TCAF1: variants seen among roughly 807,000 people sequenced by gnomAD.
TCAF1 encodes TRPM8 channel-associated factor 1.
A neutral mutation model predicts 27.3 loss-of-function variants in TCAF1; 4 were observed. The ratio of observed to expected loss-of-function variants is 0.15; its 90% confidence interval spans 0.07 to 0.34. The LOEUF (loss-of-function observed/expected upper bound fraction) is 0.34. Ranked by LOEUF, TCAF1 falls within the 10% of genes least tolerant of loss-of-function variation. TCAF1 has a pLI of 1.00. For missense variants in TCAF1, 257 were observed against 425.8 expected (o/e 0.60, Z 3.49); for synonymous variants, 105 against 167.1 (o/e 0.63, Z 2.87).
At chr7:143,893,166 T>TAGA (rs1562972308) in intron 1 of TCAF1, among the ~76,000 whole-genome samples, 2 of 152,136 alleles carry the variant, frequency 1.3e-5, no homozygotes, top group Non-Finnish European at 2.9e-5. Context: ...TCAGCAAGTG[T>TAGA]TACTGTAGAT....
intron 1 of TCAF1, among the ~76,000 whole-genome samples, chr7:143,885,788 A>G (rs928761431): frequency 1.3e-5 from 2 of 152,158 alleles, no homozygotes; most frequent in Non-Finnish European, 2.9e-5. Flanking sequence ...ACTTATATAA[A>G]CACAGAAATT....
At chr7:143,885,429 C>T (rs1020658934) in intron 1 of TCAF1, 3 of 985,292 alleles carry the variant, frequency 3.0e-6, no homozygotes, top group East Asian at 1.1e-4. Context: ...GGAGCTTGGC[C>T]GCCGCCCCCG....
At chr7:143,885,628 T>G (rs1056047181) in intron 1 of TCAF1, 2 of 898,440 alleles carry the variant, frequency 2.2e-6, no homozygotes, top group African/African-American at 3.6e-5. Flanking sequence ...AATATACAAC[T>G]ATTTCCAAGG....
rs1554393188 is a variant in TCAF1 at position 143,883,506 on chromosome 7, T to TTC, written c.-14-6885_-14-6884insGA. On this transcript the variant is annotated intron_variant, in intron 1 of 8. Transcript: ENST00000479870. ...ATTTCTTTCTTTCCTTTTTCTTTTT[T>TTC]TTTTTTTTTTTTTTTTTGAGACGGA... Among the ~76,000 whole-genome samples, 957 of 103,206 alleles carry TTC rather than the reference T, an allele frequency of 9.3e-3. 12 individuals are homozygous for TTC. Among genetic ancestry groups the TTC allele is most frequent in the African/African-American group, 0.034 (918 of 26,924 alleles). The allele number at this position is 103,206 out of a possible 152,430, so 67.7% of individuals were successfully genotyped here. A position where few individuals can be genotyped will look rare whatever the true frequency, so the allele number is the denominator to read the frequency against.
intron 1 of TCAF1, among the ~76,000 whole-genome samples, chr7:143,886,339 A>G (rs568244438): frequency 1.3e-5 from 2 of 152,216 alleles, no homozygotes; most frequent in South Asian, 2.1e-4. Flanking sequence ...CCCTTACTAC[A>G]AAAGTGTAGT....
At position 143,870,646 on chromosome 7, in the gene TCAF1, T is replaced by C. The variant is rs539497029; in HGVS notation, c.620+5343A>G. ...GCAGATGGTCTATCTTCACGGTCTA[T>C]CTTCATGACTATCTCATGTGCACAT... On this transcript the variant is annotated intron_variant, in intron 2 of 8. Coordinates refer to ENST00000479870, the MANE Select transcript of TCAF1 (RefSeq NM_014719.3). 2.6e-5 allele frequency among the ~76,000 whole-genome samples: 4 copies of C among 152,186 alleles called. No homozygotes were observed. The South Asian group carries it at 8.3e-4, about 32-fold the overall frequency.
intron 1 of TCAF1, among the ~76,000 whole-genome samples, chr7:143,889,920 C>G (rs1224213996): frequency 6.6e-6 from 1 of 152,170 alleles, no homozygotes. Context: ...ATTAGGCATC[C>G]ACCTTAGAGT....
intron 1 of TCAF1, among the ~76,000 whole-genome samples, chr7:143,878,280 C>T (rs1812830224): frequency 6.6e-6 from 1 of 152,146 alleles, no homozygotes; most frequent in Admixed American, 6.5e-5. Context: ...TTTAACCTAA[C>T]ATAGATTTTA....
At chr7:143,900,267 C>T (rs1814056435) in intron 1 of TCAF1, among the ~76,000 whole-genome samples, 1 of 152,070 alleles carries the variant, frequency 6.6e-6, no homozygotes, top group African/African-American at 2.4e-5. Flanking sequence ...TGAGTTGGGC[C>T]TAGGGACTCA....
intron 6 of TCAF1, 40 bp from the exon 7 acceptor site, chr7:143,859,201 TC>T: frequency 6.3e-7 from 1 of 1,579,380 alleles, no homozygotes; most frequent in South Asian, 1.1e-5. Flanking sequence ...GTTAGGGTCC[TC>T]CCCATTTAAG....
At chr7:143,879,611 C>T (rs1054940603) in intron 1 of TCAF1, among the ~76,000 whole-genome samples, 11 of 152,234 alleles carry the variant, frequency 7.2e-5, no homozygotes, top group African/African-American at 2.2e-4. Flanking sequence ...CAAAGATATA[C>T]GTACAGGATG....
intron 2 of TCAF1, 26 bp downstream of exon 2, chr7:143,875,963 A>T (rs568646925): frequency 2.6e-6 from 4 of 1,515,488 alleles, no homozygotes; most frequent in African/African-American, 1.4e-5. Flanking sequence ...CCTGGAGCCA[A>T]CTCCCCAGTG....
In TCAF1 at chr7:143,883,486, TTTC is replaced by T. The variant is rs1344760473; in HGVS notation, c.-14-6867_-14-6865del. Among the ~76,000 whole-genome samples, 9 of 149,742 alleles carry T rather than the reference TTTC, an allele frequency of 6.0e-5. 1 individual carries two copies. In the Admixed American group the frequency reaches 6.0e-4, roughly 10 times the overall value. On this transcript the variant is annotated intron_variant, in intron 1 of 8. Transcript: ENST00000479870. ...CGGTGTACAGTTCAAATCGCATTTC[TTTC>T]TTTCCTTTTTCTTTTTTTTTTTTTT...
rs145552050 is a variant in TCAF1 at position 143,876,540 on chromosome 7, A to G, written c.69T>C (p.Asp23=). Residue 23 remains aspartate, a synonymous_variant, in exon 2 of 9, where the codon GAT becomes GAC. Coordinates refer to ENST00000479870, the MANE Select transcript of TCAF1 (RefSeq NM_014719.3). ...TAAGAAGCAGTTCACATGGAACAGC[A>G]TCTTCGGGTACATCCCAGCTTGTCA... The part of the protein sequence containing the change: ...NGVTSWDVPE[D]AVPCELLLIG... 1.9e-6 allele frequency: 3 copies of G among 1,547,824 alleles called. No homozygotes were observed. Among genetic ancestry groups the G allele is most frequent in the African/African-American group, 1.4e-5 (1 of 72,568 alleles).
chr7:143,882,570 C>T, intron 1 of TCAF1: 1 of 985,354 alleles, frequency 1.0e-6, no homozygotes, highest in Non-Finnish European at 1.2e-6. Context: ...ATTCTCTGTC[C>T]CCGATGATTT....
At chr7:143,888,228 A>G (rs1813505370) in intron 1 of TCAF1, among the ~76,000 whole-genome samples, 1 of 152,236 alleles carries the variant, frequency 6.6e-6, no homozygotes, top group Admixed American at 6.5e-5. Context: ...ATGATAGGAA[A>G]GTAGAGAGTA....
At chr7:143,878,028 G>A (rs1812812703) in intron 1 of TCAF1, among the ~76,000 whole-genome samples, 2 of 152,278 alleles carry the variant, frequency 1.3e-5, no homozygotes, top group African/African-American at 4.8e-5. Flanking sequence ...CAGCTCTGTT[G>A]CTTAACAATT....
At chr7:143,879,357 GAGA>G (rs1285645302) in intron 1 of TCAF1, among the ~76,000 whole-genome samples, 1 of 152,214 alleles carries the variant, frequency 6.6e-6, no homozygotes, top group Non-Finnish European at 1.5e-5. Context: ...AGTGGAGGAG[GAGA>G]AGAAGGGGAA....
chr7:143,886,216 C>T lies in TCAF1; in HGVS notation c.-14-9594G>A, dbSNP rs144398733. 3.9e-5 allele frequency among the ~76,000 whole-genome samples: 6 copies of T among 152,296 alleles called. No individual in the cohort carries two copies. The East Asian group carries it at 1.2e-3, about 29-fold the overall frequency. Reference sequence around the variant, plus strand: ...CAGGGAGATTTGCATGGCCCCTGTCCTGTCTCCAGATTCCTCACCCCTCAC... The same window carrying T: ...CAGGGAGATTTGCATGGCCCCTGTCTTGTCTCCAGATTCCTCACCCCTCAC... On this transcript the variant is annotated intron_variant, in intron 1 of 8. Transcript: ENST00000479870.
Sources: gnomAD v4.1 joint callset for allele counts (sites outside exome capture counted in the v4.1 genomes callset) on GRCh38, gnomAD v4.1.1 for gene constraint, MANE v1.5 for transcripts, NCBI Gene and HGNC (gene_info 2026-07-23, HGNC 2026-07-21) for gene names.